ADGB: variants seen among roughly 807,000 people sequenced by gnomAD.
The protein encoded by ADGB is calpain-7-like protein.
ADGB carries 172 observed loss-of-function variants against 210.5 expected under a neutral mutation model. That is an observed-to-expected ratio of 0.82 (90% CI 0.72 to 0.93). The LOEUF (loss-of-function observed/expected upper bound fraction) is 0.93. ADGB is among the 40% of genes least tolerant of loss of function. ADGB has a pLI of 0.00. For missense variants in ADGB, 2,025 were observed against 1,964.8 expected (o/e 1.03, Z -0.58); for synonymous variants, 658 against 662.7 (o/e 0.99, Z 0.11).
At chr6:146,771,275 G>A (rs1777647993) in intron 29 of ADGB, among the ~76,000 whole-genome samples, 1 of 151,524 alleles carries the variant, frequency 6.6e-6, no homozygotes, top group Non-Finnish European at 1.5e-5. Context: ...CCCACCTAAT[G>A]TTGCCTAACC....
intron 9 of ADGB, among the ~76,000 whole-genome samples, 162 bp from the exon 10 acceptor site, chr6:146,685,572 A>G (rs1213235459): frequency 6.6e-6 from 1 of 152,046 alleles, no homozygotes; most frequent in Non-Finnish European, 1.5e-5. Flanking sequence ...AAATAGATAC[A>G]TCTTTGAGAT....
At position 146,608,895 on chromosome 6, in the gene ADGB, T is replaced by C. The variant is rs148414147; in HGVS notation, c.74+9781T>C. Among the ~76,000 whole-genome samples the C allele has an allele frequency of 6.1e-4, 93 of 152,290 alleles. 1 individual carries two copies. The highest frequency in any genetic ancestry group is 2.1e-3 in the African/African-American group (88 of 41,582). On this transcript the variant is annotated intron_variant, in intron 1 of 35. Transcript: ENST00000397944. ...GATGTCTGTCAGGTCCATTCGGTCA[T>C]GTGTTGAGTTTAGATGCTGAATATC...
chr6:146,685,692 T>C, intron 9 of ADGB, 42 bp from the exon 10 acceptor site: 1 of 1,304,210 alleles, frequency 7.7e-7, no homozygotes, highest in African/African-American at 1.5e-5. Context: ...CAGACCGATT[T>C]TGACTAGAAT....
At position 146,784,601 on chromosome 6, in the gene ADGB, G is replaced by A; in HGVS notation, c.4036-17G>A. The A allele has an allele frequency of 6.7e-7, 1 of 1,498,948 alleles. No homozygotes were observed. The highest frequency in any genetic ancestry group is 1.3e-5 in the South Asian group (1 of 74,426). 92.9% of individuals were successfully genotyped at this position (1,498,948 alleles called of 1,614,324 possible). The stretch of plus-strand genomic sequence containing the variant: ...AGAAGGAAAGCATGCAAAACCCAAA[G>A]GTTTTTATTTTATCAGATATCCACT... On this transcript the variant is annotated splice_polypyrimidine_tract_variant and intron_variant, in intron 30 of 35. Coordinates refer to ENST00000397944, the MANE Select transcript of ADGB (RefSeq NM_024694.4).
intron 1 of ADGB, among the ~76,000 whole-genome samples, chr6:146,625,134 T>A (rs1246799473): frequency 1.3e-5 from 2 of 152,090 alleles, no homozygotes; most frequent in Non-Finnish European, 2.9e-5. Context: ...GATTTTTGAT[T>A]GGCTTATTCT....
intron 11 of ADGB, among the ~76,000 whole-genome samples, 185 bp downstream of exon 11, chr6:146,691,475 T>TAAAA (rs1554231923): frequency 4.3e-5 from 2 of 46,834 alleles, no homozygotes; most frequent in African/African-American, 5.0e-4. Flanking sequence ...TATATATATA[T>TAAAA]AAATATATAT....
In ADGB at chr6:146,769,015, C is replaced by G. The variant is rs1777615284; in HGVS notation, c.3751-5C>G. ...CATTTTTAAACACTGCATTTTATTT[C>G]ACAGAATTACAAGTATATTATACAG... On this transcript the variant is annotated splice_polypyrimidine_tract_variant and splice_region_variant and intron_variant, in intron 28 of 35. Transcript: ENST00000397944. 1 of 1,420,734 alleles carries G rather than the reference C, an allele frequency of 7.0e-7. No homozygotes were observed. Among genetic ancestry groups the G allele is most frequent in the African/African-American group, 1.4e-5 (1 of 71,148 alleles). 88.0% of individuals were successfully genotyped at this position (1,420,734 alleles called of 1,614,324 possible).
At position 146,724,204 on chromosome 6, in the gene ADGB, C is replaced by A. The variant is rs868014514; in HGVS notation, c.2114C>A (p.Pro705His). The A allele has an allele frequency of 6.5e-7, 1 of 1,547,966 alleles. No individual in the cohort carries two copies. Among genetic ancestry groups the A allele is most frequent in the African/African-American group, 1.4e-5 (1 of 72,892 alleles). ...GEYGALTKDS[P>H]PIEPGLLTAE... ...CTTAAAGCCTTAACAAAAGACAGTC[C>A]TCCCATAGAGCCTGGACTTCTCACA... Residue 705 changes from proline (P) to histidine (H), a missense_variant, in exon 18 of 36, where the codon CCT becomes CAT. Coordinates refer to ENST00000397944, the MANE Select transcript of ADGB (RefSeq NM_024694.4).
intron 2 of ADGB, among the ~76,000 whole-genome samples, chr6:146,641,368 T>C (rs1246214809): frequency 4.6e-5 from 7 of 151,356 alleles, no homozygotes; most frequent in East Asian, 1.9e-4. Flanking sequence ...AAACTACCAA[T>C]GACATTCTTC....
chr6:146,781,354 A>AAAAAAGAAAAAG (rs1384975433), intron 29 of ADGB, among the ~76,000 whole-genome samples: 4 of 144,860 alleles, frequency 2.8e-5, no homozygotes, highest in African/African-American at 1.0e-4. Flanking sequence ...AAAGAAAAAG[A>AAAAAAGAAAAAG]AAAAAAAAAA....
In ADGB at chr6:146,599,701, G is replaced by C. The variant is rs185730035; in HGVS notation, c.74+587G>C. On this transcript the variant is annotated intron_variant, in intron 1 of 35. Coordinates refer to ENST00000397944, the MANE Select transcript of ADGB (RefSeq NM_024694.4). The stretch of plus-strand genomic sequence containing the variant: ...GACCCTCGCTCATGGAATTTTTATG[G>C]TGCCTTTGTCCTGGGCTGGTGTTAG... 1.9e-3 allele frequency among the ~76,000 whole-genome samples: 282 copies of C among 152,248 alleles called. 1 individual carries two copies. Among genetic ancestry groups the C allele is most frequent in the Admixed American group, 6.9e-3 (106 of 15,294 alleles).
At chr6:146,692,786 T>C (rs1776348447) in intron 11 of ADGB, 39 bp from the exon 12 acceptor site, 1 of 1,155,104 alleles carries the variant, frequency 8.7e-7, no homozygotes, top group East Asian at 2.6e-5. Flanking sequence ...GAAAGATTTT[T>C]TTAAATGTAC....
At chr6:146,672,503 G>T (rs1384836897) in intron 8 of ADGB, 36 bp downstream of exon 8, 2 of 1,493,370 alleles carry the variant, frequency 1.3e-6, no homozygotes, top group Non-Finnish European at 1.8e-6. Flanking sequence ...ATTCAGTATG[G>T]ACATTGCATA....
intron 20 of ADGB, among the ~76,000 whole-genome samples, chr6:146,729,092 C>G (rs1325638951): frequency 6.6e-6 from 1 of 152,280 alleles, no homozygotes; most frequent in Non-Finnish European, 1.5e-5. Flanking sequence ...GGTGGTTGCT[C>G]TCAAGGGCTT....
chr6:146,711,186 T>C (rs1266521806), intron 13 of ADGB, among the ~76,000 whole-genome samples: 2 of 152,206 alleles, frequency 1.3e-5, no homozygotes, highest in Non-Finnish European at 2.9e-5. Flanking sequence ...GAAGCAAATA[T>C]GATAACATTT....
chr6:146,777,302 T>G (rs259410), intron 29 of ADGB, among the ~76,000 whole-genome samples: 68,950 of 151,652 alleles, frequency 0.45, 17,100 homozygotes, highest in Admixed American at 0.59. Context: ...CTGGGATGCT[T>G]GAGACTTAAA....
intron 1 of ADGB, 133 bp from the exon 2 acceptor site, chr6:146,635,241 CA>C (rs1775401273): frequency 1.3e-6 from 1 of 781,660 alleles, no homozygotes; most frequent in Non-Finnish European, 1.8e-6. Context: ...TGCCTAGCCA[CA>C]AGTATGATTG....
intron 9 of ADGB, among the ~76,000 whole-genome samples, chr6:146,685,317 T>G (rs1776215697): frequency 6.6e-6 from 1 of 152,006 alleles, no homozygotes; most frequent in Non-Finnish European, 1.5e-5. Context: ...AATGACAAAA[T>G]GACATAGAAG....
At position 146,676,349 on chromosome 6, in the gene ADGB, G is replaced by A; in HGVS notation, c.1124G>A (p.Ser375Asn). ...GCAAGAGACATTGGAAAGAAGAGAA[G>A]CAAAGATGGAGAAAAAGAAAAATTC... ...ADARDIGKKR[S>N]KDGEKEKFKF... Residue 375 changes from serine (S) to asparagine (N), a missense_variant, in exon 9 of 36, where the codon AGC becomes AAC. Coordinates refer to ENST00000397944, the MANE Select transcript of ADGB (RefSeq NM_024694.4). The A allele has an allele frequency of 1.3e-6, 2 of 1,549,384 alleles. No homozygotes were observed. Among genetic ancestry groups the A allele is most frequent in the Non-Finnish European group, 1.7e-6 (2 of 1,145,740 alleles).
Sources: gnomAD v4.1 joint callset for allele counts (sites outside exome capture counted in the v4.1 genomes callset) on GRCh38, gnomAD v4.1.1 for gene constraint, MANE v1.5 for transcripts, NCBI Gene and HGNC (gene_info 2026-07-23, HGNC 2026-07-21) for gene names.